Variants in CDH13 observed in about 807,000 individuals in gnomAD.
CDH13 encodes cadherin 13.
CDH13 carries 24 observed loss-of-function variants against 63.8 expected under a neutral mutation model. The observed-to-expected ratio is 0.38, with a 90% CI of 0.27 to 0.53. The LOEUF (loss-of-function observed/expected upper bound fraction) is 0.53, where lower values mean the gene tolerates loss of function less well. CDH13 is among the 20% of genes least tolerant of loss of function. CDH13 has a pLI of 0.85. For synonymous variants in CDH13, 503 were observed against 355.3 expected (o/e 1.42, Z -4.67); for missense variants, 1,049 against 903.1 (o/e 1.16, Z -2.07).
chr16:83,541,256 A>C (rs910049137), intron 7 of CDH13, among the ~76,000 whole-genome samples: 1 of 152,176 alleles, frequency 6.6e-6, no homozygotes, highest in African/African-American at 2.4e-5. Context: ...AGGTTTTAAC[A>C]TGTCATAATA....
intron 8 of CDH13, among the ~76,000 whole-genome samples, chr16:83,604,069 C>G (rs1407684849): frequency 1.3e-5 from 2 of 152,160 alleles, no homozygotes; most frequent in Non-Finnish European, 2.9e-5. Flanking sequence ...CAGGCCCCAA[C>G]TACAACACTG....
chr16:82,851,780 C>G (rs564570558), intron 1 of CDH13, among the ~76,000 whole-genome samples: 1 of 152,208 alleles, frequency 6.6e-6, no homozygotes, highest in Admixed American at 6.5e-5. Context: ...TTCCAGGACT[C>G]TGGGTTTGTG....
intron 1 of CDH13, among the ~76,000 whole-genome samples, chr16:82,808,167 TGA>T: frequency 6.6e-6 from 1 of 152,246 alleles, no homozygotes; most frequent in Non-Finnish European, 1.5e-5. Context: ...CAAAATGAAA[TGA>T]GAGGGGATAA....
At chr16:83,421,551 G>T (rs1290266629) in intron 6 of CDH13, among the ~76,000 whole-genome samples, 1 of 152,198 alleles carries the variant, frequency 6.6e-6, no homozygotes, top group Non-Finnish European at 1.5e-5. Flanking sequence ...AATGAGATGA[G>T]AGTGGGCAAT....
intron 4 of CDH13, among the ~76,000 whole-genome samples, chr16:83,134,198 GT>G (rs1307214081): frequency 6.6e-6 from 1 of 151,816 alleles, no homozygotes; most frequent in South Asian, 2.1e-4. Flanking sequence ...TAGTAGATTT[GT>G]TTTTTTTCTT....
chr16:83,254,952 TTTCTTTCTTTCTTTCTTTC>T (rs1567542193), intron 5 of CDH13, among the ~76,000 whole-genome samples: 20,597 of 145,518 alleles, frequency 0.14, 2,090 homozygotes, highest in East Asian at 0.22. Flanking sequence ...TCTTTTTCTC[TTTCTTTCTTTCTTTCTTTC>T]TTTCTTTCTT....
At chr16:82,922,152 C>T (rs904837971) in intron 2 of CDH13, among the ~76,000 whole-genome samples, 2 of 152,076 alleles carry the variant, frequency 1.3e-5, no homozygotes, top group African/African-American at 4.8e-5. Flanking sequence ...TGTCTTCTCT[C>T]TTTTATCTTG....
At chr16:82,959,594 G>A (rs1435652525) in intron 2 of CDH13, among the ~76,000 whole-genome samples, 6 of 152,010 alleles carry the variant, frequency 3.9e-5, no homozygotes, top group African/African-American at 4.8e-5. Context: ...CACTCTTTTC[G>A]ACCTCCATCT....
intron 7 of CDH13, among the ~76,000 whole-genome samples, chr16:83,585,420 C>T (rs575071301): frequency 2.0e-4 from 30 of 152,074 alleles, no homozygotes; most frequent in Non-Finnish European, 3.7e-4. Flanking sequence ...GGAGAGGAGG[C>T]TTGACACGAG....
intron 2 of CDH13, among the ~76,000 whole-genome samples, chr16:82,863,232 C>T (rs1207871902): frequency 6.6e-6 from 1 of 152,180 alleles, no homozygotes; most frequent in Non-Finnish European, 1.5e-5. Flanking sequence ...TGAAGTTAGT[C>T]AGTTTAAGCA....
At chr16:82,953,595 A>C (rs1358105681) in intron 2 of CDH13, 1 of 152,214 alleles carries the variant, frequency 6.6e-6, no homozygotes, top group Non-Finnish European at 1.5e-5. Context: ...TGGCAGTTAT[A>C]TGTGCCTTTG....
At chr16:83,788,938 T>C (rs1280766174) in intron 13 of CDH13, among the ~76,000 whole-genome samples, 1 of 152,186 alleles carries the variant, frequency 6.6e-6, no homozygotes, top group Admixed American at 6.5e-5. Flanking sequence ...CAAAAAACAG[T>C]TAAAAACAGG....
intron 1 of CDH13, among the ~76,000 whole-genome samples, chr16:82,689,532 C>T (rs866450943): frequency 6.6e-6 from 1 of 152,230 alleles, no homozygotes; most frequent in South Asian, 2.1e-4. Context: ...CCTGAAGGCT[C>T]GAGGATGACA....
chr16:83,037,491 T>G (rs180892033), intron 3 of CDH13, among the ~76,000 whole-genome samples: 1 of 152,244 alleles, frequency 6.6e-6, no homozygotes, highest in Admixed American at 6.5e-5. Context: ...GAAGCAAGAT[T>G]TGCCAGAAAG....
intron 6 of CDH13, among the ~76,000 whole-genome samples, chr16:83,437,156 G>T (rs958660078): frequency 2.0e-5 from 3 of 152,004 alleles, no homozygotes; most frequent in Admixed American, 6.5e-5. Flanking sequence ...AGGCCATGGT[G>T]TATAATGGTT....
chr16:83,655,538 T>C (rs11865946), intron 8 of CDH13, among the ~76,000 whole-genome samples: 67,264 of 151,952 alleles, frequency 0.44, 15,833 homozygotes, highest in East Asian at 0.64. Context: ...TGAGCAACTG[T>C]TTACAAACCC....
At chr16:83,141,260 T>A (rs567134591) in intron 4 of CDH13, among the ~76,000 whole-genome samples, 1 of 152,264 alleles carries the variant, frequency 6.6e-6, no homozygotes, top group East Asian at 1.9e-4. Context: ...CAGTCCTTAA[T>A]AAATCTCTAC....
chr16:82,800,402 C>G (rs930227414), intron 1 of CDH13, among the ~76,000 whole-genome samples: 1 of 152,080 alleles, frequency 6.6e-6, no homozygotes, highest in African/African-American at 2.4e-5. Context: ...AAGGAAGAGA[C>G]CCCCTAGTGA....
At chr16:83,260,979 T>A (rs1410267906) in intron 5 of CDH13, among the ~76,000 whole-genome samples, 3 of 152,000 alleles carry the variant, frequency 2.0e-5, no homozygotes, top group African/African-American at 4.8e-5. Context: ...CTGGTGGAGA[T>A]CTTTTTATGT....
Sources: gnomAD v4.1 joint callset for allele counts (sites outside exome capture counted in the v4.1 genomes callset) on GRCh38, gnomAD v4.1.1 for gene constraint, MANE v1.5 for transcripts, NCBI Gene and HGNC (gene_info 2026-07-23, HGNC 2026-07-21) for gene names.